IQGAP1: variants seen among roughly 807,000 people sequenced by gnomAD.
IQGAP1 encodes ras GTPase-activating-like protein IQGAP1.
IQGAP1 carries 66 observed loss-of-function variants against 215.6 expected under a neutral mutation model. That is an observed-to-expected ratio of 0.31 (90% CI 0.25 to 0.38). The LOEUF (loss-of-function observed/expected upper bound fraction) is 0.38, where lower values mean the gene tolerates loss of function less well. Ranked by LOEUF, IQGAP1 falls within the 10% of genes least tolerant of loss-of-function variation. IQGAP1 has a pLI of 1.00. For synonymous variants in IQGAP1, 772 were observed against 728.7 expected, an observed-to-expected ratio of 1.06 and a Z score of -0.96; for missense variants, 1,712 against 1,997.1, an observed-to-expected ratio of 0.86 and a Z score of 2.72.
intron 2 of IQGAP1, among the ~76,000 whole-genome samples, chr15:90,401,641 T>C (rs1266077276): frequency 6.6e-6 from 1 of 152,264 alleles, no homozygotes; most frequent in Non-Finnish European, 1.5e-5. Flanking sequence ...TTAGCTATTC[T>C]TGAAGCCCTG....
rs751829471 is a variant in IQGAP1, at chr15:90,441,702, ATTCT to A, written c.828+23_828+26del. On this transcript the variant is annotated intron_variant, in intron 8 of 37. Transcript: ENST00000268182. ...AAAACAGGGTAAAAATGCAACATCT[ATTCT>A]TTCTAATTAATTTATATTATTCCGT... 3.6e-5 allele frequency: 55 copies of A among 1,514,444 alleles called. No individual in the cohort carries two copies. The highest frequency in any genetic ancestry group is 4.3e-5 in the Non-Finnish European group (47 of 1,102,622). 93.8% of individuals were successfully genotyped at this position (1,514,444 alleles called of 1,614,324 possible).
intron 18 of IQGAP1, among the ~76,000 whole-genome samples, chr15:90,469,202 G>T (rs376186767): frequency 3.3e-5 from 5 of 152,180 alleles, no homozygotes; most frequent in African/African-American, 1.2e-4. Flanking sequence ...ACTGGGGGAA[G>T]ATGCTCAGTA....
At position 90,480,218 on chromosome 15, in the gene IQGAP1, CT is replaced by C. The variant is rs145903833; in HGVS notation, c.3330-1740del. On this transcript the variant is annotated intron_variant, in intron 26 of 37. Transcript: ENST00000268182. ...TGCCTGGGCAATGTAGACCCCATAT[CT>C]TAAAAAAAAAAAAAAAAAAAAAGGA... 9.7e-3 allele frequency among the ~76,000 whole-genome samples: 985 copies of C among 101,182 alleles called. 22 individuals carry two copies. Among genetic ancestry groups the C allele is most frequent in the African/African-American group, 0.046 (894 of 19,316 alleles). 66.4% of individuals were successfully genotyped at this position (101,182 alleles called of 152,430 possible).
chr15:90,441,807 A>C (rs924468238), intron 8 of IQGAP1, 123 bp downstream of exon 8: 52 of 721,406 alleles, frequency 7.2e-5, no homozygotes, highest in Non-Finnish European at 1.2e-4. Flanking sequence ...ACCGGATTTT[A>C]AATGTACAGT....
intron 15 of IQGAP1, among the ~76,000 whole-genome samples, chr15:90,456,893 A>AATAT (rs58278172): frequency 3.6e-5 from 5 of 139,464 alleles, no homozygotes; most frequent in African/African-American, 8.4e-5. Context: ...GTCTCAAAAA[A>AATAT]ATATATATAT....
intron 8 of IQGAP1, among the ~76,000 whole-genome samples, chr15:90,442,805 C>T (rs1356326097): frequency 6.6e-6 from 1 of 152,176 alleles, no homozygotes; most frequent in African/African-American, 2.4e-5. Context: ...CCTATCTCTA[C>T]TAAAAATACC....
intron 18 of IQGAP1, among the ~76,000 whole-genome samples, chr15:90,470,795 A>G (rs1965894251): frequency 6.6e-6 from 1 of 152,140 alleles, no homozygotes; most frequent in Non-Finnish European, 1.5e-5. Context: ...CTGAGCACTC[A>G]TCATATTTGA....
chr15:90,489,125 CTT>C (rs58123122), intron 33 of IQGAP1, among the ~76,000 whole-genome samples: 30,280 of 136,054 alleles, frequency 0.22, 4,273 homozygotes, highest in African/African-American at 0.42. Context: ...ACCCTTGTTT[CTT>C]TTTTTTTTTT....
intron 2 of IQGAP1, among the ~76,000 whole-genome samples, chr15:90,422,679 T>A (rs966976489): frequency 6.3e-5 from 8 of 127,970 alleles, no homozygotes; most frequent in African/African-American, 1.3e-4. Context: ...TATATATATA[T>A]AATTTTTGAG....
chr15:90,438,967 C>T (rs895817737), intron 5 of IQGAP1, among the ~76,000 whole-genome samples: 3 of 151,984 alleles, frequency 2.0e-5, no homozygotes, highest in Non-Finnish European at 4.4e-5. Context: ...TCAGGTGATC[C>T]GCCCACCTCA....
chr15:90,423,544 T>G (rs1965178185), intron 2 of IQGAP1, among the ~76,000 whole-genome samples: 1 of 152,238 alleles, frequency 6.6e-6, no homozygotes, highest in African/African-American at 2.4e-5. Flanking sequence ...AGTCCTGATT[T>G]ATTTTATAAA....
intron 15 of IQGAP1, among the ~76,000 whole-genome samples, chr15:90,464,210 T>A (rs1202504426): frequency 1.3e-5 from 2 of 152,220 alleles, no homozygotes; most frequent in Non-Finnish European, 2.9e-5. Context: ...TCTGCGTAGA[T>A]CACCACAAAC....
chr15:90,429,866 C>T, intron 4 of IQGAP1, 200 bp downstream of exon 4: 1 of 382,078 alleles, frequency 2.6e-6, no homozygotes. Context: ...TTTCATCTTA[C>T]CCTAGAGAAA....
chr15:90,449,720 A>G (rs1339258099), intron 11 of IQGAP1, 77 bp downstream of exon 11: 8 of 1,211,684 alleles, frequency 6.6e-6, no homozygotes, highest in Admixed American at 4.2e-5. Flanking sequence ...AGCTTCTGTC[A>G]TCGTCATCAC....
chr15:90,426,382 T>A, intron 3 of IQGAP1, 116 bp downstream of exon 3: 1 of 1,131,258 alleles, frequency 8.8e-7, no homozygotes, highest in Non-Finnish European at 1.2e-6. Flanking sequence ...TGCAACAAAT[T>A]ATAGCCTTTA....
At chr15:90,425,330 G>GA (rs201702390) in intron 2 of IQGAP1, among the ~76,000 whole-genome samples, 40 of 149,010 alleles carry the variant, frequency 2.7e-4, no homozygotes, top group East Asian at 5.9e-4. Context: ...AGAAGAAAAG[G>GA]AAAAAAAAAC....
At position 90,487,628 on chromosome 15, in the gene IQGAP1, C is replaced by T. The variant is rs371548791; in HGVS notation, c.4248+46C>T. The stretch of plus-strand genomic sequence containing the variant: ...TACTCCTTTGTTTGGTAGATAAGCT[C>T]TCCCGATAGGCGCATGTCAGAGAAA... On this transcript the variant is annotated intron_variant, in intron 33 of 37. Transcript: ENST00000268182. 2.1e-5 allele frequency: 27 copies of T among 1,289,838 alleles called. No homozygotes were observed. The African/African-American group carries it at 2.6e-4, about 13-fold the overall frequency. The allele number at this position is 1,289,838 out of a possible 1,614,324, so 79.9% of individuals were successfully genotyped here.
chr15:90,489,983 C>T (rs976674972), intron 33 of IQGAP1, among the ~76,000 whole-genome samples: 6 of 152,142 alleles, frequency 3.9e-5, no homozygotes, highest in African/African-American at 1.4e-4. Context: ...GTGACAGAAC[C>T]GGAGGTGGAT....
chr15:90,431,589 A>G (rs1453038592), intron 4 of IQGAP1, among the ~76,000 whole-genome samples: 1 of 152,160 alleles, frequency 6.6e-6, no homozygotes, highest in Non-Finnish European at 1.5e-5. Context: ...ACAGTAGTAT[A>G]TTGTCCTGGA....
Sources: allele counts gnomAD v4.1 joint callset (sites outside exome capture counted in the v4.1 genomes callset), GRCh38; gene constraint gnomAD v4.1.1; transcripts MANE v1.5; gene names NCBI Gene and HGNC (gene_info 2026-07-23, HGNC 2026-07-21).